The following MAP3K5 variants were observed in gnomAD, a reference collection of about 807,000 sequenced individuals.
MAP3K5 encodes the protein ASK-1.
MAP3K5 carries 56 observed loss-of-function variants against 158.7 expected under a neutral mutation model. The ratio of observed to expected loss-of-function variants is 0.35; its 90% CI spans 0.28 to 0.44. MAP3K5 has a LOEUF of 0.44. MAP3K5 is among the 20% of genes least tolerant of loss of function. MAP3K5 has a pLI of 1.00. For missense variants in MAP3K5, 1,294 were observed against 1,674.8 expected (o/e 0.77, Z 3.97); for synonymous variants, 579 against 601.7 (o/e 0.96, Z 0.55).
intron 8 of MAP3K5, among the ~76,000 whole-genome samples, chr6:136,663,808 T>C (rs1757259643): frequency 6.6e-6 from 1 of 152,006 alleles, no homozygotes; most frequent in African/African-American, 2.4e-5. Context: ...AGATGGGGTT[T>C]CATCATGTTG....
intron 1 of MAP3K5, among the ~76,000 whole-genome samples, chr6:136,725,276 C>T (rs1352480543): frequency 3.3e-5 from 5 of 152,134 alleles, no homozygotes; most frequent in Admixed American, 2.0e-4. Context: ...AAGAAAATGC[C>T]AAGCTCTCCC....
At chr6:136,785,732 A>T (rs900582511) in intron 1 of MAP3K5, among the ~76,000 whole-genome samples, 1 of 152,062 alleles carries the variant, frequency 6.6e-6, no homozygotes, top group Non-Finnish European at 1.5e-5. Flanking sequence ...CAGCCCCACC[A>T]CCTTCACCAC....
chr6:136,651,194 G>A (rs996226259), intron 10 of MAP3K5, 103 bp from the exon 11 acceptor site: 2 of 583,462 alleles, frequency 3.4e-6, no homozygotes, highest in Admixed American at 3.1e-5. Flanking sequence ...TATTGCATGA[G>A]CTTCTGAATC....
At chr6:136,688,790 G>A (rs1311591968) in intron 7 of MAP3K5, among the ~76,000 whole-genome samples, 1 of 152,132 alleles carries the variant, frequency 6.6e-6, no homozygotes, top group Non-Finnish European at 1.5e-5. Flanking sequence ...CATAGGAGAT[G>A]TTTTTTATCT....
intron 7 of MAP3K5, among the ~76,000 whole-genome samples, chr6:136,680,515 T>C (rs946859080): frequency 2.0e-5 from 3 of 152,220 alleles, no homozygotes; most frequent in African/African-American, 7.2e-5. Flanking sequence ...ATATCTACCA[T>C]TTCTTTAGGA....
chr6:136,683,734 T>C (rs369555535), intron 7 of MAP3K5, among the ~76,000 whole-genome samples: 1 of 152,106 alleles, frequency 6.6e-6, no homozygotes, highest in East Asian at 1.9e-4. Context: ...CCCTTGTGAG[T>C]CTCCCATTAG....
intron 24 of MAP3K5, among the ~76,000 whole-genome samples, chr6:136,583,097 A>G (rs6570084): frequency 0.2 from 31,027 of 152,184 alleles, 3,765 homozygotes; most frequent in East Asian, 0.43. Context: ...AAAATGTTCT[A>G]TATGAAAACT....
At chr6:136,763,857 G>C (rs1783856093) in intron 1 of MAP3K5, among the ~76,000 whole-genome samples, 1 of 152,058 alleles carries the variant, frequency 6.6e-6, no homozygotes, top group Non-Finnish European at 1.5e-5. Flanking sequence ...GCAGGAGTGG[G>C]ACTGGTGACT....
At chr6:136,658,168 G>A (rs892624732) in intron 9 of MAP3K5, among the ~76,000 whole-genome samples, 7 of 152,074 alleles carry the variant, frequency 4.6e-5, no homozygotes, top group East Asian at 3.9e-4. Context: ...CAGCCGAGTC[G>A]GTGGCCTGGG....
chr6:136,761,369 G>T (rs991966640), intron 1 of MAP3K5, among the ~76,000 whole-genome samples: 21 of 152,028 alleles, frequency 1.4e-4, no homozygotes, highest in African/African-American at 5.1e-4. Context: ...GGCACTGTGG[G>T]AAGACAGAAG....
rs1228720363 is a variant in MAP3K5, at chr6:136,592,208, T to C, written c.3190A>G (p.Lys1064Glu). 1 of 1,602,180 alleles carries C rather than the reference T, an allele frequency of 6.2e-7. No homozygotes were observed. Among genetic ancestry groups the C allele is most frequent in the Admixed American group, 1.8e-5 (1 of 57,016 alleles). Reference protein sequence around the residue: ...LHRILTEDQDKIVRNLMESLA... With the variant: ...LHRILTEDQDEIVRNLMESLA... ...GATTCCATTAGGTTTCTCACAATTT[T>C]GTCTTGGTCTTCCGTCAGGATCCTG... The change falls in exon 23 of 30, where the codon AAA (lysine) becomes GAA (glutamate). Residue 1064 changes from lysine (K) to glutamate (E), a missense_variant. Physicochemically the swap from Lys to Glu is moderately conservative, Grantham distance 56. Coordinates refer to ENST00000359015, the MANE Select transcript of MAP3K5 (RefSeq NM_005923.4).
At position 136,562,544 on chromosome 6, in the gene MAP3K5, T is replaced by C; in HGVS notation, c.3833A>G (p.Asp1278Gly). 2 of 1,603,600 alleles carry C rather than the reference T, an allele frequency of 1.2e-6. No homozygotes were observed. Among genetic ancestry groups the C allele is most frequent in the Non-Finnish European group, 1.7e-6 (2 of 1,175,058 alleles). ...ALLHRAIEEKDQEIKHLKLKS... is the reference protein window; with the variant it reads ...ALLHRAIEEKGQEIKHLKLKS... ...AAGCTTCAGGTGTTTAATTTCTTGG[T>C]CTTTTTCTTCAATAGCTCGATGAAG... The change falls in exon 27 of 30, where the codon GAC becomes GGC. Residue 1278 changes from aspartate to glycine, a missense_variant. By Grantham distance (94) the Asp-to-Gly change is moderately conservative. Coordinates refer to ENST00000359015, the MANE Select transcript of MAP3K5 (RefSeq NM_005923.4).
chr6:136,740,629 G>T (rs964209722), intron 1 of MAP3K5, among the ~76,000 whole-genome samples: 1 of 152,086 alleles, frequency 6.6e-6, no homozygotes, highest in Non-Finnish European at 1.5e-5. Flanking sequence ...AAAAAAGAAA[G>T]ATTTAAAAAA....
chr6:136,722,567 A>G (rs768144933), intron 1 of MAP3K5, among the ~76,000 whole-genome samples: 5 of 152,044 alleles, frequency 3.3e-5, no homozygotes, highest in African/African-American at 9.7e-5. Context: ...TAAAATGCCA[A>G]TTGTTTTGCC....
At position 136,561,396 on chromosome 6, in the gene MAP3K5, C is replaced by T. The variant is rs566190345; in HGVS notation, c.3987+137G>A. The T allele has an allele frequency of 1.2e-5, 7 of 604,046 alleles. No individual in the cohort carries two copies. The South Asian group carries it at 1.5e-4, about 13-fold the overall frequency. The allele number at this position is 604,046 out of a possible 1,614,324, so 37.4% of individuals were successfully genotyped here. ...GTTAGCTGATTATCACGTGCCTACC[C>T]TGGTCTGTAAGCCTCAGGAGGGCAG... On this transcript the variant is annotated intron_variant, in intron 28 of 29. Transcript: ENST00000359015.
chr6:136,601,814 G>A lies in MAP3K5; in HGVS notation c.2845C>T (p.Pro949Ser). 4 of 1,614,040 alleles carry A rather than the reference G, an allele frequency of 2.5e-6. No homozygotes were observed. The highest frequency in any genetic ancestry group is 3.4e-6 in the Non-Finnish European group (4 of 1,179,984). Residue 949 changes from proline (P) to serine (S), a missense_variant, in exon 20 of 30, where the codon CCT becomes TCT. Coordinates refer to ENST00000359015, the MANE Select transcript of MAP3K5 (RefSeq NM_005923.4). The stretch of plus-strand genomic sequence containing the variant: ...TGCAACCACATACCTGAAAGCTTAG[G>A]TTGTGTCTTTTTCTTTTTGCTTGAA... ...KVSSKKKKTQ[P>S]KLSALSAGSN...
At chr6:136,731,601 T>G (rs575209881) in intron 1 of MAP3K5, among the ~76,000 whole-genome samples, 1 of 152,330 alleles carries the variant, frequency 6.6e-6, no homozygotes, top group East Asian at 1.9e-4. Context: ...AGACTCGTTT[T>G]CCAAATAAGG....
At chr6:136,617,369 A>T (rs890959261) in intron 15 of MAP3K5, among the ~76,000 whole-genome samples, 2 of 152,236 alleles carry the variant, frequency 1.3e-5, no homozygotes, top group African/African-American at 4.8e-5. Context: ...GAAAGAAGAA[A>T]TGGCCTAGAT....
At chr6:136,658,647 G>C (rs1778872568) in intron 9 of MAP3K5, among the ~76,000 whole-genome samples, 1 of 152,076 alleles carries the variant, frequency 6.6e-6, no homozygotes. Flanking sequence ...CCTGAATGCA[G>C]ATGGAATTTT....
Sources: gnomAD v4.1 joint callset for allele counts (sites outside exome capture counted in the v4.1 genomes callset) on GRCh38, gnomAD v4.1.1 for gene constraint, MANE v1.5 for transcripts, NCBI Gene and HGNC (gene_info 2026-07-23, HGNC 2026-07-21) for gene names.